Variants in PKD1L3 observed in about 807,000 individuals in gnomAD.
PKD1L3 encodes polycystin-1-like protein 3.
Under a neutral mutation model 184.1 loss-of-function variants are expected in PKD1L3, and 239 were observed. The observed-to-expected ratio is 1.30, with a 90% CI of 1.17 to 1.45. PKD1L3 has a LOEUF of 1.45. Among genes scored for constraint, PKD1L3 ranks in the 40% most tolerant of loss-of-function variants. The probability of loss-of-function intolerance (pLI) is 0.00; values close to 1 mark genes in which losing one functional copy is unlikely to be tolerated. For missense variants in PKD1L3, 2,660 were observed against 2,067.2 expected, an observed-to-expected ratio of 1.29 and a Z score of -5.56; for synonymous variants, 996 against 778.8, an observed-to-expected ratio of 1.28 and a Z score of -4.64.
Position 71,952,915 on chromosome 16 carries a change from G to C in PKD1L3, c.2988C>G (p.Leu996=). 2 of 1,549,022 alleles carry C rather than the reference G, an allele frequency of 1.3e-6. No homozygotes were observed. The highest frequency in any genetic ancestry group is 1.7e-6 in the Non-Finnish European group (2 of 1,146,372). ...SCLSDASVEP[L]SATMVVEELK... ...TTACCTCAACTACCATTGTGGCAGA[G>C]AGAGGCTCAACAGAAGCATCTGAGA... is the stretch of plus-strand genomic sequence containing the variant. Residue 996 remains leucine, a synonymous_variant, in exon 18 of 30, where the codon CTC becomes CTG. Transcript: ENST00000620267.
chr16:71,986,715 G>A (rs1188422778), intron 4 of PKD1L3, among the ~76,000 whole-genome samples: 1 of 152,062 alleles, frequency 6.6e-6, no homozygotes, highest in Non-Finnish European at 1.5e-5. Flanking sequence ...ACATTTATAA[G>A]TTGCTAAGAA....
At chr16:71,996,426 A>G (rs978782142) in intron 2 of PKD1L3, among the ~76,000 whole-genome samples, 19 of 151,808 alleles carry the variant, frequency 1.3e-4, no homozygotes, top group Middle Eastern at 3.4e-3. Flanking sequence ...ACGCCTGGCT[A>G]ATTTTTGTAT....
chr16:71,988,240 G>T (rs1220530935), intron 4 of PKD1L3, among the ~76,000 whole-genome samples: 1 of 152,066 alleles, frequency 6.6e-6, no homozygotes, highest in African/African-American at 2.4e-5. Flanking sequence ...TGTCACCCAG[G>T]CTGGAGTTCA....
Position 71,930,092 on chromosome 16 carries a change from G to A in PKD1L3, c.5018C>T (p.Ala1673Val). The change falls in exon 29 of 30, where the codon GCC becomes GTC. Residue 1673 changes from alanine (A) to valine (V), a missense_variant. Ala to Val is a moderately conservative substitution (Grantham distance 64). Transcript: ENST00000620267. ...TTCTTTTCCAAAGGCCATGAGAATG[G>A]CCGAAACGAAAAGATTAATTACCAC... ...VLVVINLFVS[A>V]ILMAFGKERK... The A allele has an allele frequency of 1.3e-6, 2 of 1,551,500 alleles. No individual in the cohort carries two copies. The highest frequency in any genetic ancestry group is 2.4e-5 in the East Asian group (1 of 40,912).
rs1282624017 is a variant in PKD1L3 at position 71,967,295 on chromosome 16, T to A, written c.2307A>T (p.Gly769=). ...GATGGGGCTCACTCCGTCCCTCTGATCCATAGAGGGTGATGACAACCTACA... is the reference window on the plus strand; with the variant it reads ...GATGGGGCTCACTCCGTCCCTCTGAACCATAGAGGGTGATGACAACCTACA... ...TTAKVVITLY[G]SEGRSEPHHL... Residue 769 remains glycine (G), a synonymous_variant, in exon 15 of 30, where the codon GGA becomes GGT. Coordinates refer to ENST00000620267, the MANE Select transcript of PKD1L3 (RefSeq NM_181536.2). 6.4e-7 allele frequency: 1 copy of A among 1,551,384 alleles called. No individual in the cohort carries two copies. Among genetic ancestry groups the A allele is most frequent in the Non-Finnish European group, 8.7e-7 (1 of 1,146,796 alleles).
Position 71,993,226 on chromosome 16 carries a change from T to G in PKD1L3, c.525A>C (p.Lys175Asn), listed in dbSNP as rs2040659797. 1.3e-6 allele frequency: 2 copies of G among 1,546,346 alleles called. No individual in the cohort carries two copies. ...TKRGVAIARD[K>N]MPPGPGHLPT... Reference sequence around the variant, plus strand: ...GGAGTAACGCATTACCTGGGGGCATTTTGTCTCTTGCTATTGCAACTCCTC... The same window carrying G: ...GGAGTAACGCATTACCTGGGGGCATGTTGTCTCTTGCTATTGCAACTCCTC... Residue 175 changes from lysine to asparagine, a missense_variant, in exon 3 of 30, where the codon AAA becomes AAC. Transcript: ENST00000620267.
intron 2 of PKD1L3, among the ~76,000 whole-genome samples, 171 bp from the exon 3 acceptor site, chr16:71,993,503 A>G (rs2040671547): frequency 6.6e-6 from 1 of 152,208 alleles, no homozygotes; most frequent in African/African-American, 2.4e-5. Flanking sequence ...TGCTCTGCTC[A>G]CATTATGGTG....
At chr16:71,932,627 C>T (rs1368076017) in intron 28 of PKD1L3, among the ~76,000 whole-genome samples, 1 of 152,028 alleles carries the variant, frequency 6.6e-6, no homozygotes, top group Non-Finnish European at 1.5e-5. Flanking sequence ...GTGTGCACCA[C>T]CACGCCTGGC....
chr16:71,969,798 C>T lies in PKD1L3; in HGVS notation c.2184+77G>A, dbSNP rs1455701503. 25 of 1,301,628 alleles carry T rather than the reference C, an allele frequency of 1.9e-5. 1 individual carries two copies. The East Asian group carries it at 2.6e-4, about 13-fold the overall frequency. The allele number at this position is 1,301,628 out of a possible 1,614,324, so 80.6% of individuals were successfully genotyped here. ...GTACCAGGCTTCCTGCTGCTTTTGA[C>T]GAAGGTGTTTTTTCCTTCATCTTAT... is the stretch of plus-strand genomic sequence containing the variant. On this transcript the variant is annotated intron_variant, in intron 13 of 29. Coordinates refer to ENST00000620267, the MANE Select transcript of PKD1L3 (RefSeq NM_181536.2).
At chr16:71,940,967 C>T (rs1287622203) in intron 24 of PKD1L3, among the ~76,000 whole-genome samples, 2 of 152,014 alleles carry the variant, frequency 1.3e-5, no homozygotes, top group African/African-American at 4.8e-5. Flanking sequence ...TCCCAAGTAG[C>T]TGAGACAACA....
At chr16:71,988,906 C>T (rs2040482253) in intron 4 of PKD1L3, among the ~76,000 whole-genome samples, 1 of 152,192 alleles carries the variant, frequency 6.6e-6, no homozygotes, top group African/African-American at 2.4e-5. Flanking sequence ...TTAACAAGTC[C>T]TGTGCAGAAT....
At chr16:71,987,725 G>C (rs949937395) in intron 4 of PKD1L3, among the ~76,000 whole-genome samples, 2 of 152,062 alleles carry the variant, frequency 1.3e-5, no homozygotes, top group South Asian at 2.1e-4. Flanking sequence ...GGCTGGTCTT[G>C]AACTCCTAGC....
At chr16:71,932,042 C>A (rs2037993088) in intron 28 of PKD1L3, among the ~76,000 whole-genome samples, 1 of 152,178 alleles carries the variant, frequency 6.6e-6, no homozygotes, top group African/African-American at 2.4e-5. Context: ...CCATGCCTGA[C>A]TCTTCTACTG....
chr16:71,986,744 A>G (rs2040382761), intron 4 of PKD1L3, among the ~76,000 whole-genome samples: 1 of 152,154 alleles, frequency 6.6e-6, no homozygotes, highest in Non-Finnish European at 1.5e-5. Flanking sequence ...AGAACTGAAT[A>G]TGGCAATGAG....
rs775685637 is a variant in PKD1L3, at chr16:71,933,334, AGTAGGGG to A, written c.4926+79_4926+85del. 906 of 948,934 alleles carry A rather than the reference AGTAGGGG, an allele frequency of 9.5e-4. 1 individual carries two copies. Among genetic ancestry groups the A allele is most frequent in the Non-Finnish European group, 1.4e-3 (835 of 599,046 alleles). The allele number at this position is 948,934 out of a possible 1,614,324, so 58.8% of individuals were successfully genotyped here. A position where few individuals can be genotyped will look rare whatever the true frequency, so the allele number is the denominator to read the frequency against. On this transcript the variant is annotated intron_variant, in intron 28 of 29. Coordinates refer to ENST00000620267, the MANE Select transcript of PKD1L3 (RefSeq NM_181536.2). Reference sequence around the variant, plus strand: ...CCCCCTTTTCCAGTGTGCAGTGTACAGTAGGGGGCTGTTTTCATAAGGACCCCCCCAA... The same window carrying A: ...CCCCCTTTTCCAGTGTGCAGTGTACAGCTGTTTTCATAAGGACCCCCCCAA...
chr16:71,994,944 C>T (rs1485485613), intron 2 of PKD1L3, among the ~76,000 whole-genome samples: 1 of 152,058 alleles, frequency 6.6e-6, no homozygotes, highest in Non-Finnish European at 1.5e-5. Flanking sequence ...GCCAAGATCA[C>T]GCCATTACAC....
intron 11 of PKD1L3, among the ~76,000 whole-genome samples, chr16:71,974,707 G>C (rs1420733509): frequency 6.6e-6 from 1 of 152,146 alleles, no homozygotes; most frequent in East Asian, 1.9e-4. Context: ...ACAAAACTGA[G>C]TACACCTTTG....
chr16:71,968,119 CAGAAA>C, intron 13 of PKD1L3, 112 bp from the exon 14 acceptor site: 15 of 812,992 alleles, frequency 1.8e-5, no homozygotes, highest in Non-Finnish European at 2.9e-5. Flanking sequence ...GGCAGCCCTG[CAGAAA>C]GCAGGGCTGA....
At chr16:71,990,947 C>T (rs9925967) in intron 3 of PKD1L3, among the ~76,000 whole-genome samples, 70,451 of 151,910 alleles carry the variant, frequency 0.46, 17,657 homozygotes, top group African/African-American at 0.65. Flanking sequence ...GTTATTTCCC[C>T]AAATAAAAGG....
Sources: allele counts gnomAD v4.1 joint callset (sites outside exome capture counted in the v4.1 genomes callset), GRCh38; gene constraint gnomAD v4.1.1; transcripts MANE v1.5; gene names NCBI Gene and HGNC (gene_info 2026-07-23, HGNC 2026-07-21).